MACROD2: variants seen among roughly 807,000 people sequenced by gnomAD.
MACROD2 encodes mono-ADP ribosylhydrolase 2.
In MACROD2, 36 loss-of-function variants were observed where a neutral mutation model predicts 70.4. The observed-to-expected ratio is 0.51, with a 90% confidence interval of 0.39 to 0.68. The LOEUF (loss-of-function observed/expected upper bound fraction) is 0.68, where lower values mean the gene tolerates loss of function less well. Among genes scored for constraint, MACROD2 ranks in the 30% least tolerant of loss-of-function variants. The pLI, the probability that MACROD2 is intolerant of heterozygous loss-of-function variation, is 0.00. For synonymous variants in MACROD2, 172 were observed against 178.8 expected, an observed-to-expected ratio of 0.96 and a Z score of 0.30; for missense variants, 496 against 538.4, an observed-to-expected ratio of 0.92 and a Z score of 0.78.
chr20:14,494,878 G>A (rs945623731), intron 4 of MACROD2, among the ~76,000 whole-genome samples: 16 of 152,140 alleles, frequency 1.1e-4, no homozygotes, highest in Admixed American at 9.8e-4. Context: ...TCTTGTAATA[G>A]GTGAAGAAAA....
chr20:15,740,248 C>G (rs1262078883), intron 8 of MACROD2, among the ~76,000 whole-genome samples: 1 of 152,154 alleles, frequency 6.6e-6, no homozygotes, highest in Non-Finnish European at 1.5e-5. Flanking sequence ...CTTCTAACAG[C>G]AGGGCAGGCT....
chr20:14,348,279 AAAT>A (rs1370550974), intron 3 of MACROD2, among the ~76,000 whole-genome samples: 6 of 43,696 alleles, frequency 1.4e-4, no homozygotes, highest in African/African-American at 3.8e-4. Flanking sequence ...AAAAAAAAAA[AAAT>A]AAATAAAATA....
intron 5 of MACROD2, among the ~76,000 whole-genome samples, chr20:14,871,289 G>A (rs1282000402): frequency 6.6e-6 from 1 of 152,108 alleles, no homozygotes; most frequent in Non-Finnish European, 1.5e-5. Context: ...CACCTATAAA[G>A]GGAAGCCCAT....
intron 7 of MACROD2, among the ~76,000 whole-genome samples, chr20:15,464,309 C>T (rs1194837898): frequency 6.6e-6 from 1 of 152,202 alleles, no homozygotes; most frequent in Non-Finnish European, 1.5e-5. Context: ...AGCCACCATG[C>T]CTGACCCATC....
intron 10 of MACROD2, among the ~76,000 whole-genome samples, chr20:15,894,290 T>C (rs1035970862): frequency 2.0e-5 from 3 of 151,998 alleles, no homozygotes; most frequent in Non-Finnish European, 2.9e-5. Context: ...GAAAGAAAGG[T>C]GGAAATCAAA....
intron 5 of MACROD2, among the ~76,000 whole-genome samples, chr20:15,137,576 G>T (rs988144017): frequency 8.3e-6 from 1 of 119,982 alleles, no homozygotes; most frequent in Non-Finnish European, 1.6e-5. Flanking sequence ...GGGGGAGGGG[G>T]GAGGGATAGC....
At chr20:15,908,119 CTG>C (rs965967150) in intron 10 of MACROD2, among the ~76,000 whole-genome samples, 1 of 151,166 alleles carries the variant, frequency 6.6e-6, no homozygotes, top group Non-Finnish European at 1.5e-5. Context: ...GAGTTTTTTG[CTG>C]TGTTTTTTGT....
At chr20:16,042,146 T>A (rs2067316014) in intron 16 of MACROD2, among the ~76,000 whole-genome samples, 1 of 152,070 alleles carries the variant, frequency 6.6e-6, no homozygotes, top group Admixed American at 6.6e-5. Context: ...ATACCAGGTA[T>A]TCCTTGTTCC....
chr20:15,493,614 A>G (rs1568846892), intron 7 of MACROD2, among the ~76,000 whole-genome samples: 1 of 152,240 alleles, frequency 6.6e-6, no homozygotes, highest in Non-Finnish European at 1.5e-5. Context: ...GAACAAAATT[A>G]GTTTCTACAT....
chr20:14,396,930 A>AC (rs1202997847), intron 3 of MACROD2, among the ~76,000 whole-genome samples: 15 of 150,424 alleles, frequency 1.0e-4, no homozygotes, highest in African/African-American at 3.4e-4. Flanking sequence ...ATCTCAAAAA[A>AC]AAAAAAAAAA....
intron 8 of MACROD2, among the ~76,000 whole-genome samples, chr20:15,846,604 A>T (rs1835119372): frequency 1.3e-5 from 2 of 152,138 alleles, no homozygotes; most frequent in African/African-American, 4.8e-5. Flanking sequence ...CACCAAAAGG[A>T]AAAAACGGTT....
At chr20:15,853,840 TTAG>T (rs2064327032) in intron 8 of MACROD2, among the ~76,000 whole-genome samples, 1 of 152,136 alleles carries the variant, frequency 6.6e-6, no homozygotes, top group Admixed American at 6.6e-5. Flanking sequence ...TGTGAGCTAA[TTAG>T]TAGGTGTGTT....
chr20:15,085,376 A>C (rs2075739053), intron 5 of MACROD2, among the ~76,000 whole-genome samples: 1 of 152,162 alleles, frequency 6.6e-6, no homozygotes, highest in African/African-American at 2.4e-5. Flanking sequence ...AAGCAAGAAA[A>C]GAAAAAACAT....
At chr20:14,254,581 A>G (rs1436016468) in intron 3 of MACROD2, among the ~76,000 whole-genome samples, 1 of 152,030 alleles carries the variant, frequency 6.6e-6, no homozygotes, top group Non-Finnish European at 1.5e-5. Flanking sequence ...CTTTTATCTA[A>G]AAGAAATTCA....
At chr20:15,663,801 A>T (rs1429681890) in intron 8 of MACROD2, among the ~76,000 whole-genome samples, 2 of 152,182 alleles carry the variant, frequency 1.3e-5, no homozygotes, top group African/African-American at 2.4e-5. Context: ...TCCCCTCTGA[A>T]TGCTAATACC....
chr20:15,378,780 A>G (rs1464637687), intron 6 of MACROD2, among the ~76,000 whole-genome samples: 3 of 152,328 alleles, frequency 2.0e-5, no homozygotes, highest in Non-Finnish European at 2.9e-5. Context: ...TAGTAAAAAC[A>G]TAAGAATTTT....
chr20:15,161,216 C>T (rs1286593764), intron 5 of MACROD2, among the ~76,000 whole-genome samples: 1 of 151,878 alleles, frequency 6.6e-6, no homozygotes, highest in African/African-American at 2.4e-5. Context: ...AAATGATTAA[C>T]ACAACTGAGG....
At chr20:15,808,008 CCTGTT>C (rs1444765937) in intron 8 of MACROD2, among the ~76,000 whole-genome samples, 1 of 152,126 alleles carries the variant, frequency 6.6e-6, no homozygotes, top group Non-Finnish European at 1.5e-5. Context: ...GGATCCCTGT[CCTGTT>C]CTGTTCTGTT....
chr20:14,601,935 T>C (rs1015365011), intron 4 of MACROD2, among the ~76,000 whole-genome samples: 4 of 152,228 alleles, frequency 2.6e-5, no homozygotes, highest in Non-Finnish European at 5.9e-5. Context: ...CTGTACCATA[T>C]GATTAAGCAT....
Sources: gnomAD v4.1 joint callset for allele counts (sites outside exome capture counted in the v4.1 genomes callset) on GRCh38, gnomAD v4.1.1 for gene constraint, MANE v1.5 for transcripts, NCBI Gene and HGNC (gene_info 2026-07-23, HGNC 2026-07-21) for gene names.